Variants in GANC observed in about 807,000 individuals in gnomAD.
GANC encodes glucosidase alpha, neutral C, also known as neutral alpha-glucosidase C.
GANC carries 117 observed loss-of-function variants against 124.2 expected under a neutral mutation model. The ratio of observed to expected loss-of-function variants is 0.94; its 90% CI spans 0.81 to 1.10. GANC has a LOEUF of 1.10. Ranked by LOEUF, GANC falls within the 50% of genes least tolerant of loss-of-function variation. The pLI is 0.00. For synonymous variants in GANC, 377 were observed against 376.8 expected (o/e 1.00, Z -0.01); for missense variants, 1,140 against 1,095.0 (o/e 1.04, Z -0.58).
chr15:42,295,226 A>C (rs1371865343), intron 5 of GANC, among the ~76,000 whole-genome samples: 1 of 152,006 alleles, frequency 6.6e-6, no homozygotes, highest in Non-Finnish European at 1.5e-5. Flanking sequence ...CGCCCGCCTC[A>C]GCCTCCCAAA....
At chr15:42,350,475 A>G (rs2052418720) in intron 22 of GANC, among the ~76,000 whole-genome samples, 1 of 151,802 alleles carries the variant, frequency 6.6e-6, no homozygotes, top group Non-Finnish European at 1.5e-5. Context: ...TGTGTTCTTC[A>G]GTTATTTTTC....
At chr15:42,331,858 GA>G (rs66908034) in intron 15 of GANC, among the ~76,000 whole-genome samples, 2,649 of 151,670 alleles carry the variant, frequency 0.017, 32 homozygotes, top group Middle Eastern at 0.031. Flanking sequence ...TTAATTGCAT[GA>G]AAAAATGTTT....
intron 6 of GANC, among the ~76,000 whole-genome samples, chr15:42,302,454 G>A (rs1037402445): frequency 2.0e-5 from 3 of 152,208 alleles, no homozygotes; most frequent in East Asian, 3.9e-4. Context: ...TCCTCCAAAC[G>A]ATCACAGCTT....
intron 10 of GANC, chr15:42,314,421 A>G (rs1006358838): frequency 5.5e-6 from 2 of 365,494 alleles, no homozygotes; most frequent in Non-Finnish European, 1.0e-5. Flanking sequence ...TTGTGCGTAT[A>G]GTGGGGATTT....
chr15:42,301,455 G>GT (rs1186820967), intron 6 of GANC, among the ~76,000 whole-genome samples: 78 of 147,768 alleles, frequency 5.3e-4, no homozygotes, highest in Middle Eastern at 7.1e-3. Flanking sequence ...AGCTGCAGGG[G>GT]TTTTTTTTTT....
chr15:42,283,661 G>C (rs997447196), intron 3 of GANC: 7 of 702,558 alleles, frequency 1.0e-5, no homozygotes, highest in Non-Finnish European at 1.6e-5. Flanking sequence ...CTTCTCCGAG[G>C]ATGCAGGAAT....
chr15:42,292,884 A>G lies in GANC; in HGVS notation c.479A>G (p.Tyr160Cys), dbSNP rs1313300018. 1.9e-6 allele frequency: 3 copies of G among 1,614,128 alleles called. No individual in the cohort carries two copies. The highest frequency in any genetic ancestry group is 2.5e-6 in the Non-Finnish European group (3 of 1,179,976). The change falls in exon 5 of 24, where the codon TAC (tyrosine) becomes TGC (cysteine). Residue 160 changes from tyrosine (Y) to cysteine (C), a missense_variant. Coordinates refer to ENST00000318010, the MANE Select transcript of GANC (RefSeq NM_198141.3). The stretch of plus-strand genomic sequence containing the variant: ...AGCATAAATTCCCTGGGCCAATTAT[A>G]CTTTGAGCATCTACAGATTCTTCAC... Reference protein sequence around the residue: ...VISINSLGQLYFEHLQILHKQ... With the variant: ...VISINSLGQLCFEHLQILHKQ...
At chr15:42,337,885 A>G (rs1221582747) in intron 15 of GANC, among the ~76,000 whole-genome samples, 1 of 152,140 alleles carries the variant, frequency 6.6e-6, no homozygotes, top group African/African-American at 2.4e-5. Flanking sequence ...AACATGGTGA[A>G]ACCCCTCTCT....
intron 19 of GANC, among the ~76,000 whole-genome samples, chr15:42,345,535 A>G (rs1325962773): frequency 2.0e-5 from 3 of 152,248 alleles, no homozygotes; most frequent in Admixed American, 1.3e-4. Flanking sequence ...TTGGATGAAT[A>G]GAAAACAAAT....
At chr15:42,281,643 C>T (rs2051734976) in intron 3 of GANC, among the ~76,000 whole-genome samples, 1 of 152,146 alleles carries the variant, frequency 6.6e-6, no homozygotes, top group Admixed American at 6.5e-5. Context: ...CAAGATTGTG[C>T]CACTACACTG....
intron 3 of GANC, among the ~76,000 whole-genome samples, chr15:42,286,288 G>A (rs2051787499): frequency 6.6e-6 from 1 of 152,094 alleles, no homozygotes; most frequent in Non-Finnish European, 1.5e-5. Context: ...ACTTATCACA[G>A]AATGCTCTGT....
At chr15:42,307,314 C>T (rs1424875652) in intron 7 of GANC, among the ~76,000 whole-genome samples, 1 of 150,184 alleles carries the variant, frequency 6.7e-6, no homozygotes, top group East Asian at 2.0e-4. Flanking sequence ...GCCCTCCTTT[C>T]TGTAACATCA....
At chr15:42,283,779 G>A (rs1360957048) in intron 3 of GANC, 7 of 702,418 alleles carry the variant, frequency 1.0e-5, no homozygotes, top group Admixed American at 2.0e-5. Context: ...CACAACTACC[G>A]CTTATTAGCC....
chr15:42,295,557 A>G (rs2051882667), intron 5 of GANC, among the ~76,000 whole-genome samples: 1 of 152,034 alleles, frequency 6.6e-6, no homozygotes, highest in South Asian at 2.1e-4. Flanking sequence ...TAAGGAAAAG[A>G]TTGATGGATT....
At chr15:42,332,519 T>C (rs1419610317) in intron 15 of GANC, among the ~76,000 whole-genome samples, 1 of 152,182 alleles carries the variant, frequency 6.6e-6, no homozygotes, top group Non-Finnish European at 1.5e-5. Flanking sequence ...TGTTAAGTCA[T>C]ATGCGATGAT....
chr15:42,346,868 A>C (rs982201204), intron 20 of GANC, among the ~76,000 whole-genome samples: 2 of 152,186 alleles, frequency 1.3e-5, no homozygotes, highest in African/African-American at 4.8e-5. Flanking sequence ...ACACTACTAC[A>C]GGCCCAAAGT....
At chr15:42,302,272 A>G (rs1292991381) in intron 6 of GANC, among the ~76,000 whole-genome samples, 1 of 152,232 alleles carries the variant, frequency 6.6e-6, no homozygotes, top group Non-Finnish European at 1.5e-5. Context: ...CCTGACTGTT[A>G]GAACGAAAAC....
intron 14 of GANC, 135 bp downstream of exon 14, chr15:42,329,584 T>A: frequency 2.6e-6 from 2 of 779,286 alleles, no homozygotes; most frequent in South Asian, 4.8e-5. Flanking sequence ...CTGCAATGAG[T>A]CTTAGGTAGT....
At chr15:42,347,160 T>C (rs1395064993) in intron 20 of GANC, among the ~76,000 whole-genome samples, 1 of 147,842 alleles carries the variant, frequency 6.8e-6, no homozygotes, top group Non-Finnish European at 1.5e-5. Flanking sequence ...CTCTAACTTA[T>C]GGCCTTGTTC....
Sources: gnomAD v4.1 joint callset for allele counts (sites outside exome capture counted in the v4.1 genomes callset) on GRCh38, gnomAD v4.1.1 for gene constraint, MANE v1.5 for transcripts, NCBI Gene and HGNC (gene_info 2026-07-23, HGNC 2026-07-21) for gene names.